Variants in SORCS2 observed in about 807,000 individuals in gnomAD.
SORCS2 encodes VPS10 domain-containing receptor SorCS2.
A neutral mutation model predicts 141.6 loss-of-function variants in SORCS2; 100 were observed. That is an observed-to-expected ratio of 0.71 (90% CI 0.60 to 0.83). SORCS2 has a LOEUF of 0.83. SORCS2 is among the 40% of genes least tolerant of loss of function. The probability of loss-of-function intolerance (pLI) is 0.00; values close to 1 mark genes in which losing one functional copy is unlikely to be tolerated. For synonymous variants in SORCS2, 789 were observed against 676.9 expected (o/e 1.17, Z -2.57); for missense variants, 1,646 against 1,560.2 (o/e 1.05, Z -0.93).
chr4:7,543,844 TCATCCGTCCATCCATCCACC>T (rs1712980825), intron 3 of SORCS2, among the ~76,000 whole-genome samples: 1 of 12,244 alleles, frequency 8.2e-5, no homozygotes, highest in African/African-American at 3.3e-4. Context: ...ATCCATCCAC[TCATCCGTCCATCCATCCACC>T]CATCCATCCA....
chr4:7,408,346 T>A (rs1452706108), intron 2 of SORCS2, among the ~76,000 whole-genome samples: 1 of 152,038 alleles, frequency 6.6e-6, no homozygotes, highest in Non-Finnish European at 1.5e-5. Flanking sequence ...CTTTCATATT[T>A]GAAGGATAAC....
At chr4:7,247,382 C>T (rs1273463537) in intron 1 of SORCS2, among the ~76,000 whole-genome samples, 9 of 151,608 alleles carry the variant, frequency 5.9e-5, no homozygotes, top group South Asian at 4.2e-4. Flanking sequence ...CAGTGGAATA[C>T]TTAGAAGAGA....
At position 7,377,968 on chromosome 4, in the gene SORCS2, C is replaced by T. The variant is rs147804945; in HGVS notation, c.481-18320C>T. Among the ~76,000 whole-genome samples, 1,141 of 152,262 alleles carry T rather than the reference C, an allele frequency of 7.5e-3. 8 individuals carry two copies. The highest frequency in any genetic ancestry group is 0.01 in the Non-Finnish European group (703 of 68,012). On this transcript the variant is annotated intron_variant, in intron 1 of 26. Transcript: ENST00000507866. Reference sequence around the variant, plus strand: ...TGTTTTTTGTGTCCAGAAACTTAACCCTTCCATGATTTTCTTCTCTCCAAA... The same window carrying T: ...TGTTTTTTGTGTCCAGAAACTTAACTCTTCCATGATTTTCTTCTCTCCAAA...
intron 3 of SORCS2, among the ~76,000 whole-genome samples, chr4:7,566,581 A>C (rs911799245): frequency 1.3e-5 from 2 of 152,228 alleles, no homozygotes; most frequent in Admixed American, 1.3e-4. Flanking sequence ...AAAACCCCAA[A>C]TCTCAGTTGT....
At chr4:7,582,300 C>T (rs1211545864) in intron 3 of SORCS2, among the ~76,000 whole-genome samples, 4 of 152,186 alleles carry the variant, frequency 2.6e-5, no homozygotes, top group Non-Finnish European at 4.4e-5. Flanking sequence ...CGACAAAGGC[C>T]ATGATCTCAC....
intron 2 of SORCS2, among the ~76,000 whole-genome samples, chr4:7,464,338 CA>C (rs1311426840): frequency 6.6e-6 from 1 of 152,052 alleles, no homozygotes; most frequent in African/African-American, 2.4e-5. Context: ...AGAAGTTCAC[CA>C]GGGGGAAAAA....
intron 11 of SORCS2, among the ~76,000 whole-genome samples, chr4:7,696,466 C>T (rs182306866): frequency 1.3e-5 from 2 of 152,160 alleles, no homozygotes; most frequent in Non-Finnish European, 2.9e-5. Flanking sequence ...GTTGTTCTTT[C>T]TACAGGAGAC....
intron 1 of SORCS2, among the ~76,000 whole-genome samples, chr4:7,341,987 A>G (rs1222080992): frequency 1.3e-5 from 2 of 152,206 alleles, no homozygotes; most frequent in Non-Finnish European, 2.9e-5. Flanking sequence ...TACAAAGCAC[A>G]ATATTTTCAA....
chr4:7,729,852 C>T, intron 23 of SORCS2, 140 bp downstream of exon 23: 1 of 1,266,626 alleles, frequency 7.9e-7, no homozygotes, highest in African/African-American at 1.5e-5. Context: ...CTCAGGGTGG[C>T]TTGACCTCGT....
chr4:7,522,721 G>A (rs11731369), intron 2 of SORCS2, among the ~76,000 whole-genome samples: 1 of 39,472 alleles, frequency 2.5e-5, no homozygotes, highest in African/African-American at 7.5e-5. Flanking sequence ...CCCTTCTCCC[G>A]TTTTCCCTCC....
intron 3 of SORCS2, among the ~76,000 whole-genome samples, chr4:7,620,370 C>A (rs1719083608): frequency 6.6e-6 from 1 of 152,234 alleles, no homozygotes; most frequent in East Asian, 1.9e-4. Flanking sequence ...TCCCAGCTTT[C>A]ACAAGACATC....
intron 1 of SORCS2, among the ~76,000 whole-genome samples, chr4:7,323,006 G>C (rs1449343110): frequency 6.6e-6 from 1 of 152,028 alleles, no homozygotes; most frequent in Non-Finnish European, 1.5e-5. Flanking sequence ...AGTAGCTCTA[G>C]TTCCCAGTTC....
At chr4:7,365,754 G>C (rs934311868) in intron 1 of SORCS2, among the ~76,000 whole-genome samples, 3 of 152,172 alleles carry the variant, frequency 2.0e-5, no homozygotes, top group African/African-American at 7.2e-5. Context: ...CTTTTTGCCA[G>C]GGCTGCGCTA....
chr4:7,632,727 A>C (rs1338957845), intron 3 of SORCS2, among the ~76,000 whole-genome samples: 1 of 152,142 alleles, frequency 6.6e-6, no homozygotes, highest in African/African-American at 2.4e-5. Flanking sequence ...ATGCCCATTC[A>C]TTGGGATCAC....
At chr4:7,245,903 C>G (rs1358675022) in intron 1 of SORCS2, among the ~76,000 whole-genome samples, 1 of 152,108 alleles carries the variant, frequency 6.6e-6, no homozygotes, top group Non-Finnish European at 1.5e-5. Context: ...TCAGGGTTGC[C>G]CAGCTGGGCT....
At chr4:7,372,469 G>A (rs1409830948) in intron 1 of SORCS2, among the ~76,000 whole-genome samples, 1 of 152,006 alleles carries the variant, frequency 6.6e-6, no homozygotes, top group Non-Finnish European at 1.5e-5. Context: ...ACCACGCCTG[G>A]CTAATTTTTT....
intron 1 of SORCS2, among the ~76,000 whole-genome samples, chr4:7,366,345 G>T (rs558298597): frequency 6.6e-6 from 1 of 152,082 alleles, no homozygotes; most frequent in Admixed American, 6.5e-5. Context: ...GGTGGCTGGA[G>T]CTGCAGCAGG....
intron 2 of SORCS2, among the ~76,000 whole-genome samples, chr4:7,479,962 C>A (rs1184945868): frequency 2.0e-5 from 3 of 152,254 alleles, no homozygotes; most frequent in African/African-American, 7.2e-5. Context: ...GCCATTTATT[C>A]CGTGACACCT....
Position 7,193,074 on chromosome 4 carries a change from G to T in SORCS2, c.428G>T (p.Gly143Val), listed in dbSNP as rs868498573. ...ATCAGCACGTCGTTCGTGCTCAAGG[G>T]GGACGCGACGCACAACCAGGCGATG... ...SLISTSFVLKGDATHNQAMVH... is the reference protein window; with the variant it reads ...SLISTSFVLKVDATHNQAMVH... The change falls in exon 1 of 27, where the codon GGG (glycine) becomes GTG (valine). Residue 143 changes from glycine (G) to valine (V), a missense_variant. By Grantham distance (109) the Gly-to-Val change is moderately radical. Transcript: ENST00000507866. This position sits in a 1 kb window ranked among gnomAD's most constrained non-coding sequence, Gnocchi z 4.8. 2 of 1,561,656 alleles carry T rather than the reference G, an allele frequency of 1.3e-6. No homozygotes were observed. The highest frequency in any genetic ancestry group is 5.0e-5 in the East Asian group (2 of 39,790).
Sources: allele counts gnomAD v4.1 joint callset (sites outside exome capture counted in the v4.1 genomes callset), GRCh38; gene constraint gnomAD v4.1.1; non-coding constraint Gnocchi (gnomAD v3.1); transcripts MANE v1.5; gene names NCBI Gene and HGNC (gene_info 2026-07-23, HGNC 2026-07-21).